SNX7: variants seen among roughly 807,000 people sequenced by gnomAD.
The protein encoded by SNX7 is sorting nexin 7.
Under a neutral mutation model 48.4 loss-of-function variants are expected in SNX7, and 35 were observed. The ratio of observed to expected loss-of-function variants is 0.72; its 90% CI spans 0.55 to 0.96. SNX7 has a LOEUF of 0.96. Among genes scored for constraint, SNX7 ranks in the 40% least tolerant of loss-of-function variants. SNX7 has a pLI of 0.00. For missense variants in SNX7, 553 were observed against 548.9 expected, an observed-to-expected ratio of 1.01 and a Z score of -0.07; for synonymous variants, 190 against 190.2, an observed-to-expected ratio of 1.00 and a Z score of 0.01.
intron 7 of SNX7, among the ~76,000 whole-genome samples, chr1:98,709,223 A>C (rs1652174163): frequency 6.6e-6 from 1 of 152,238 alleles, no homozygotes; most frequent in Admixed American, 6.5e-5. Flanking sequence ...AACGATGTTA[A>C]AGGAACTTTC....
intron 8 of SNX7, among the ~76,000 whole-genome samples, chr1:98,741,597 C>G (rs543082613): frequency 6.6e-6 from 1 of 151,906 alleles, no homozygotes. Flanking sequence ...AAATGAATAA[C>G]GAAACAATAA....
chr1:98,755,945 T>A (rs1654819929), intron 8 of SNX7, among the ~76,000 whole-genome samples: 1 of 152,040 alleles, frequency 6.6e-6, no homozygotes, highest in South Asian at 2.1e-4. Context: ...TATTTGAGTC[T>A]TTTATCTTGC....
At chr1:98,726,671 T>A (rs931027561) in intron 7 of SNX7, among the ~76,000 whole-genome samples, 12 of 152,226 alleles carry the variant, frequency 7.9e-5, no homozygotes, top group Admixed American at 1.3e-4. Flanking sequence ...TTTTTTTGGA[T>A]CTAGATTGTC....
At chr1:98,736,775 A>G (rs367589106) in intron 7 of SNX7, among the ~76,000 whole-genome samples, 11 of 152,196 alleles carry the variant, frequency 7.2e-5, no homozygotes, top group East Asian at 5.8e-4. Context: ...TTTCATATTT[A>G]AAAAGGAGCT....
chr1:98,665,367 C>G (rs1361308305), intron 1 of SNX7, among the ~76,000 whole-genome samples: 1 of 151,520 alleles, frequency 6.6e-6, no homozygotes, highest in South Asian at 2.1e-4. Context: ...TGGAAGGTAG[C>G]GAACAGTAGG....
intron 8 of SNX7, among the ~76,000 whole-genome samples, chr1:98,751,285 C>T (rs932859577): frequency 6.6e-6 from 1 of 152,024 alleles, no homozygotes; most frequent in African/African-American, 2.4e-5. Context: ...GAGACATTTA[C>T]CTCTTCTAAT....
At chr1:98,743,564 TA>T (rs1187864810) in intron 8 of SNX7, among the ~76,000 whole-genome samples, 1 of 152,074 alleles carries the variant, frequency 6.6e-6, no homozygotes, top group Non-Finnish European at 1.5e-5. Flanking sequence ...ACAGTACTAC[TA>T]ATGTTTTCTT....
At chr1:98,752,254 AGG>A (rs1462892383) in intron 8 of SNX7, among the ~76,000 whole-genome samples, 7 of 152,014 alleles carry the variant, frequency 4.6e-5, no homozygotes, top group Non-Finnish European at 8.8e-5. Context: ...GTTTTTCCTT[AGG>A]TTTCGTACTC....
At position 98,701,696 on chromosome 1, in the gene SNX7, C is replaced by G. The variant is rs1334200369; in HGVS notation, c.1039-121C>G. Reference sequence around the variant, plus strand: ...AACAACTTTTTAAATGTATTATATCCCCAAATGACTGATGGCTTGGGGAAG... The same window carrying G: ...AACAACTTTTTAAATGTATTATATCGCCAAATGACTGATGGCTTGGGGAAG... On this transcript the variant is annotated intron_variant, in intron 6 of 8. Coordinates refer to ENST00000306121, the MANE Select transcript of SNX7 (RefSeq NM_015976.5). The G allele has an allele frequency of 1.0e-5, 6 of 587,308 alleles. No individual in the cohort carries two copies. In the South Asian group the frequency reaches 2.4e-4, roughly 24 times the overall value. 36.4% of individuals were successfully genotyped at this position (587,308 alleles called of 1,614,324 possible). A position where few individuals can be genotyped will look rare whatever the true frequency, so the allele number is the denominator to read the frequency against.
At chr1:98,701,938 A>T in intron 7 of SNX7, 35 bp downstream of exon 7, 1 of 1,441,316 alleles carries the variant, frequency 6.9e-7, no homozygotes, top group Non-Finnish European at 9.6e-7. Flanking sequence ...AATCATATAG[A>T]ATTCATTGTC....
chr1:98,707,696 A>G (rs1652079302), intron 7 of SNX7, among the ~76,000 whole-genome samples: 1 of 152,220 alleles, frequency 6.6e-6, no homozygotes, highest in African/African-American at 2.4e-5. Flanking sequence ...ACATTTAGCA[A>G]TATGTGCATA....
chr1:98,733,659 T>C (rs1653630375), intron 7 of SNX7, among the ~76,000 whole-genome samples: 1 of 152,148 alleles, frequency 6.6e-6, no homozygotes, highest in African/African-American at 2.4e-5. Flanking sequence ...TGATTACTTA[T>C]TTATTTCTCC....
At chr1:98,672,944 A>AAAG (rs2100915519) in intron 1 of SNX7, among the ~76,000 whole-genome samples, 2 of 151,240 alleles carry the variant, frequency 1.3e-5, no homozygotes, top group East Asian at 3.9e-4. Context: ...AAAAAAAAAA[A>AAAG]AAAAAAAAGA....
At chr1:98,668,684 G>A (rs928918267) in intron 1 of SNX7, among the ~76,000 whole-genome samples, 1 of 152,204 alleles carries the variant, frequency 6.6e-6, no homozygotes, top group African/African-American at 2.4e-5. Context: ...ATTTAGCTTG[G>A]AAGAGATGGG....
chr1:98,702,456 C>G (rs1452036362), intron 7 of SNX7, among the ~76,000 whole-genome samples: 1 of 152,056 alleles, frequency 6.6e-6, no homozygotes, highest in African/African-American at 2.4e-5. Flanking sequence ...TAATTCTCAC[C>G]ATTTGGCTCA....
At position 98,760,138 on chromosome 1, in the gene SNX7, T is replaced by C; in HGVS notation, c.*7T>C. 1.3e-6 allele frequency: 2 copies of C among 1,591,648 alleles called. No homozygotes were observed. The highest frequency in any genetic ancestry group is 2.2e-5 in the South Asian group (2 of 90,538). On this transcript the variant is annotated 3_prime_UTR_variant, in exon 9 of 9. Transcript: ENST00000306121. The stretch of plus-strand genomic sequence containing the variant: ...CTCTGAAGATAAACCTTAATCCCAT[T>C]GAGGACTTCTGTTTGATCTTTGGGA...
intron 8 of SNX7, among the ~76,000 whole-genome samples, chr1:98,740,486 A>T (rs1654018317): frequency 6.6e-6 from 1 of 152,198 alleles, no homozygotes; most frequent in Non-Finnish European, 1.5e-5. Flanking sequence ...TTAGGGTATA[A>T]AAATCACATG....
At chr1:98,722,374 C>T (rs1037245392) in intron 7 of SNX7, among the ~76,000 whole-genome samples, 2 of 152,138 alleles carry the variant, frequency 1.3e-5, no homozygotes, top group African/African-American at 4.8e-5. Flanking sequence ...CATCTCACCT[C>T]TCTCACGAAT....
intron 7 of SNX7, among the ~76,000 whole-genome samples, chr1:98,720,354 C>T (rs1225428568): frequency 6.6e-6 from 1 of 151,936 alleles, no homozygotes; most frequent in Admixed American, 6.6e-5. Flanking sequence ...CTAAAACTAC[C>T]ATTAATTGAA....
Sources: allele counts gnomAD v4.1 joint callset (sites outside exome capture counted in the v4.1 genomes callset), GRCh38; gene constraint gnomAD v4.1.1; transcripts MANE v1.5; gene names NCBI Gene and HGNC (gene_info 2026-07-23, HGNC 2026-07-21).